ESCO2: variants seen among roughly 807,000 people sequenced by gnomAD.
ESCO2 encodes establishment of sister chromatid cohesion N-acetyltransferase 2.
In ESCO2, 51 loss-of-function variants were observed where a neutral mutation model predicts 61.7. The ratio of observed to expected loss-of-function variants is 0.83; its 90% CI spans 0.66 to 1.04. ESCO2 has a LOEUF of 1.04. ESCO2 is among the 50% of genes least tolerant of loss of function. The probability of loss-of-function intolerance (pLI) is 0.00; values close to 1 mark genes in which losing one functional copy is unlikely to be tolerated. For synonymous variants in ESCO2, 230 were observed against 238.2 expected, an observed-to-expected ratio of 0.97 and a Z score of 0.32; for missense variants, 692 against 686.2, an observed-to-expected ratio of 1.01 and a Z score of -0.09.
At chr8:27,810,194 A>G (rs1184952491), downstream of ESCO2, 19 of 709,638 alleles carry the variant, frequency 2.7e-5, no homozygotes, top group Non-Finnish European at 4.7e-5. Context: ...ACAAGAAACT[A>G]TGGTCCTCAA....
upstream of ESCO2, chr8:27,773,614 T>C (rs760583316): frequency 6.6e-6 from 1 of 152,078 alleles, no homozygotes; most frequent in Non-Finnish European, 1.5e-5. Context: ...TTCTATGAAA[T>C]TGAGGGCGTC....
downstream of ESCO2, among the ~76,000 whole-genome samples, chr8:27,815,870 C>G (rs1805800303): frequency 6.6e-6 from 1 of 152,160 alleles, no homozygotes; most frequent in African/African-American, 2.4e-5. Flanking sequence ...TGGGTTTGCT[C>G]CCTGTGAAGA....
chr8:27,783,016 C>A (rs1212907846), intron 4 of ESCO2, among the ~76,000 whole-genome samples: 2 of 151,834 alleles, frequency 1.3e-5, no homozygotes, highest in East Asian at 3.9e-4. Flanking sequence ...CATTGGAGTT[C>A]ATTCTTTGTG....
chr8:27,795,080 G>A (rs914467850), intron 9 of ESCO2, among the ~76,000 whole-genome samples: 1 of 152,124 alleles, frequency 6.6e-6, no homozygotes, highest in Non-Finnish European at 1.5e-5. Flanking sequence ...TTTTGATAGG[G>A]ATTGCATTGC....
At chr8:27,813,749 T>A (rs989253765), downstream of ESCO2, among the ~76,000 whole-genome samples, 2 of 152,186 alleles carry the variant, frequency 1.3e-5, no homozygotes, top group Non-Finnish European at 2.9e-5. Flanking sequence ...ACGTACAGCA[T>A]AGTGAGGACA....
downstream of ESCO2, chr8:27,810,151 T>A (rs1356650128): frequency 1.6e-6 from 1 of 611,388 alleles, no homozygotes. Flanking sequence ...AATATAAGCA[T>A]ATTTCATATT....
At chr8:27,780,438 C>A (rs373541680) in intron 4 of ESCO2, among the ~76,000 whole-genome samples, 171 bp downstream of exon 4, 1 of 152,048 alleles carries the variant, frequency 6.6e-6, no homozygotes, top group Non-Finnish European at 1.5e-5. Flanking sequence ...CAGTGCATTG[C>A]GTTTTGAAAA....
At chr8:27,783,239 G>C (rs192138566) in intron 4 of ESCO2, among the ~76,000 whole-genome samples, 1 of 152,040 alleles carries the variant, frequency 6.6e-6, no homozygotes, top group African/African-American at 2.4e-5. Flanking sequence ...TATATCCTTT[G>C]GGGTCTGGCT....
chr8:27,779,534 G>T (rs1204224345), intron 3 of ESCO2: 1 of 152,158 alleles, frequency 6.6e-6, no homozygotes, highest in Admixed American at 6.5e-5. Context: ...CAGTTTGGTG[G>T]CTGCTGGGGA....
intron 9 of ESCO2, among the ~76,000 whole-genome samples, chr8:27,794,946 A>G (rs1006985732): frequency 2.6e-5 from 4 of 152,092 alleles, no homozygotes; most frequent in Non-Finnish European, 4.4e-5. Context: ...TTTTAATGCC[A>G]GTAGGAGTGC....
At chr8:27,780,410 C>G (rs1437880960) in intron 4 of ESCO2, 143 bp downstream of exon 4, 3 of 636,116 alleles carry the variant, frequency 4.7e-6, no homozygotes, top group Admixed American at 5.5e-5. Context: ...CTCTGTGACA[C>G]TGTTTTCTGT....
At chr8:27,808,251 C>T (rs1191720609), downstream of ESCO2, 2 of 1,231,918 alleles carry the variant, frequency 1.6e-6, no homozygotes, top group East Asian at 1.2e-4. Flanking sequence ...CAACATTTCT[C>T]AAGTAGCTGC....
the ESCO2 span, among the ~76,000 whole-genome samples, chr8:27,819,461 G>A: frequency 6.6e-6 from 1 of 151,816 alleles, no homozygotes. Context: ...TCTCTTTTTA[G>A]CCAAAAATTA....
intron 5 of ESCO2, among the ~76,000 whole-genome samples, chr8:27,786,608 T>C (rs1805047196): frequency 6.6e-6 from 1 of 152,226 alleles, no homozygotes; most frequent in Non-Finnish European, 1.5e-5. Context: ...TTTAGTGGAA[T>C]AGTGTATCTC....
At chr8:27,784,118 CT>C in intron 5 of ESCO2, 61 bp downstream of exon 5, 2 of 1,506,984 alleles carry the variant, frequency 1.3e-6, no homozygotes, top group Non-Finnish European at 1.8e-6. Flanking sequence ...CTCTGGGTCT[CT>C]TTTTCAGTCT....
At position 27,788,514 on chromosome 8, in the gene ESCO2, C is replaced by T. The variant is rs1805099138; in HGVS notation, c.1132-333C>T. Among the ~76,000 whole-genome samples the T allele has an allele frequency of 5.0e-5, 7 of 138,748 alleles. No individual in the cohort carries two copies. In the South Asian group the frequency reaches 1.6e-3, roughly 32 times the overall value. 91.0% of individuals were successfully genotyped at this position (138,748 alleles called of 152,430 possible). On this transcript the variant is annotated intron_variant, in intron 6 of 10. Transcript: ENST00000305188. Reference sequence around the variant, plus strand: ...TCATCAATTTATTGCATTTTTAGGTCTCTTGTCTCTTTTTTTTCCCCCCCC... The same window carrying T: ...TCATCAATTTATTGCATTTTTAGGTTTCTTGTCTCTTTTTTTTCCCCCCCC...
At position 27,780,275 on chromosome 8, in the gene ESCO2, A is replaced by G; in HGVS notation, c.955+8A>G. ...TTGGTGAGAATAAGACAAGTAAGAGAAAACTCGCATGAATTTAGCTGCTTA... is the reference window on the plus strand; with the variant it reads ...TTGGTGAGAATAAGACAAGTAAGAGGAAACTCGCATGAATTTAGCTGCTTA... On this transcript the variant is annotated splice_region_variant and intron_variant, in intron 4 of 10. Coordinates refer to ENST00000305188, the MANE Select transcript of ESCO2 (RefSeq NM_001017420.3). The G allele has an allele frequency of 1.3e-6, 2 of 1,533,498 alleles. No individual in the cohort carries two copies. Among genetic ancestry groups the G allele is most frequent in the Non-Finnish European group, 1.8e-6 (2 of 1,106,954 alleles). 95.0% of individuals were successfully genotyped at this position (1,533,498 alleles called of 1,614,324 possible).
downstream of ESCO2, chr8:27,810,380 A>G (rs756731963): frequency 1.9e-6 from 3 of 1,611,466 alleles, no homozygotes; most frequent in Admixed American, 5.0e-5. Flanking sequence ...TAGTGCATAC[A>G]GAGAAGAGTT....
At chr8:27,795,478 T>C (rs1805274014) in intron 9 of ESCO2, among the ~76,000 whole-genome samples, 1 of 152,240 alleles carries the variant, frequency 6.6e-6, no homozygotes. Flanking sequence ...TGATTTAACT[T>C]CTTCCTTTAA....
Sources: allele counts gnomAD v4.1 joint callset (sites outside exome capture counted in the v4.1 genomes callset), GRCh38; gene constraint gnomAD v4.1.1; transcripts MANE v1.5; gene names NCBI Gene and HGNC (gene_info 2026-07-23, HGNC 2026-07-21).